Variants in LPIN2 observed in about 807,000 individuals in gnomAD.
LPIN2 encodes lipin 2, also known as phosphatidate phosphatase LPIN2.
LPIN2 carries 55 observed loss-of-function variants against 111.4 expected under a neutral mutation model. The ratio of observed to expected loss-of-function variants is 0.49; its 90% CI spans 0.40 to 0.62. The LOEUF (loss-of-function observed/expected upper bound fraction) is 0.62, where lower values mean the gene tolerates loss of function less well. Ranked by LOEUF, LPIN2 falls within the 20% of genes least tolerant of loss-of-function variation. LPIN2 has a pLI of 0.00. For synonymous variants in LPIN2, 425 were observed against 414.0 expected (o/e 1.03, Z -0.32); for missense variants, 992 against 1,112.1 (o/e 0.89, Z 1.54).
intron 4 of LPIN2, chr18:2,945,783 A>G: frequency 7.8e-7 from 1 of 1,279,188 alleles, no homozygotes; most frequent in Non-Finnish European, 1.1e-6. Context: ...TACTCGACTA[A>G]GTTCTGGAAG....
At chr18:2,920,516 T>C in intron 19 of LPIN2, 79 bp from the exon 20 acceptor site, 1 of 1,517,878 alleles carries the variant, frequency 6.6e-7, no homozygotes, top group South Asian at 1.1e-5. Context: ...GCTGTGAAGC[T>C]GTCACTCAGA....
At chr18:2,945,778 G>T in intron 4 of LPIN2, 1 of 1,261,750 alleles carries the variant, frequency 7.9e-7, no homozygotes, top group Non-Finnish European at 1.2e-6. Flanking sequence ...GCTTCTACTC[G>T]ACTAAGTTCT....
At chr18:2,955,488 G>A (rs1267070454) in intron 2 of LPIN2, among the ~76,000 whole-genome samples, 4 of 152,156 alleles carry the variant, frequency 2.6e-5, no homozygotes, top group African/African-American at 7.2e-5. Context: ...AGCCATCCAT[G>A]AGGGATCTGC....
chr18:2,993,336 T>C (rs618590), intron 1 of LPIN2, among the ~76,000 whole-genome samples: 143,621 of 152,316 alleles, frequency 0.94, 68,014 homozygotes, highest in East Asian at 1. Context: ...AGAATATATT[T>C]GTTCTTGGCT....
At chr18:3,000,547 A>G (rs1598612199) in intron 1 of LPIN2, among the ~76,000 whole-genome samples, 1 of 152,388 alleles carries the variant, frequency 6.6e-6, no homozygotes, top group East Asian at 1.9e-4. Flanking sequence ...AAAGCAGGAT[A>G]CACACCATGC....
At chr18:2,958,154 AAAAC>A (rs1568571121) in intron 2 of LPIN2, among the ~76,000 whole-genome samples, 5 of 108,668 alleles carry the variant, frequency 4.6e-5, no homozygotes, top group African/African-American at 1.6e-4. Context: ...AAAAAAAAAA[AAAAC>A]AACAAAAAAA....
Position 2,920,114 on chromosome 18 carries a change from TGCA to T in LPIN2, c.*176_*178del. The T allele has an allele frequency of 1.3e-6, 1 of 760,836 alleles. No individual in the cohort carries two copies. Among genetic ancestry groups the T allele is most frequent in the Non-Finnish European group, 2.2e-6 (1 of 460,054 alleles). 47.1% of individuals were successfully genotyped at this position (760,836 alleles called of 1,614,324 possible). A position where few individuals can be genotyped will look rare whatever the true frequency, so the allele number is the denominator to read the frequency against. On this transcript the variant is annotated 3_prime_UTR_variant, in exon 20 of 20. Transcript: ENST00000677752. ...TCCCTTCTCCTTCCAGGAGCTGAGCTGCAGACCTGCCGAGCCTGAGCAGCTGGC... is the reference window on the plus strand; with the variant it reads ...TCCCTTCTCCTTCCAGGAGCTGAGCTGACCTGCCGAGCCTGAGCAGCTGGC...
chr18:3,012,351 T>C (rs1051799857), intron 1 of LPIN2, among the ~76,000 whole-genome samples: 3 of 152,264 alleles, frequency 2.0e-5, no homozygotes, highest in Non-Finnish European at 4.4e-5. Flanking sequence ...AAATGTCATC[T>C]TGAATTTTCA....
intron 11 of LPIN2, 134 bp downstream of exon 11, chr18:2,928,457 T>C: frequency 1.1e-6 from 1 of 875,052 alleles, no homozygotes; most frequent in Non-Finnish European, 1.9e-6. Context: ...ATGACTTTGA[T>C]CTTTTATATT....
chr18:2,939,476 G>C lies in LPIN2; in HGVS notation c.822+4C>G, dbSNP rs756368360. 1 of 1,613,656 alleles carries C rather than the reference G, an allele frequency of 6.2e-7. No individual in the cohort carries two copies. Among genetic ancestry groups the C allele is most frequent in the Non-Finnish European group, 8.5e-7 (1 of 1,179,670 alleles). On this transcript the variant is annotated splice_donor_region_variant and intron_variant, in intron 6 of 19. Coordinates refer to ENST00000677752, the MANE Select transcript of LPIN2 (RefSeq NM_001375808.2). ...ACTTTCCACAGGCAAGTAAACCCTA[G>C]TACCTTGGTGGACTCTGGGAATCCG...
intron 1 of LPIN2, among the ~76,000 whole-genome samples, chr18:3,006,426 G>A (rs756174285): frequency 3.9e-5 from 6 of 152,156 alleles, no homozygotes; most frequent in Admixed American, 6.5e-5. Flanking sequence ...TTTGTTGACC[G>A]GGCACAGTGG....
chr18:2,976,839 T>C (rs1303713171), intron 1 of LPIN2, among the ~76,000 whole-genome samples: 2 of 152,184 alleles, frequency 1.3e-5, no homozygotes, highest in Admixed American at 1.3e-4. Flanking sequence ...CAAAGAGTAC[T>C]TAACTAAGCC....
At position 2,917,891 on chromosome 18, in the gene LPIN2, A is replaced by G. The variant is rs1322107072; in HGVS notation, c.*2402T>C. On this transcript the variant is annotated 3_prime_UTR_variant, in exon 20 of 20. Coordinates refer to ENST00000677752, the MANE Select transcript of LPIN2 (RefSeq NM_001375808.2). ...CCATCTCCCTGAGCCGTCACCCGTC[A>G]CTGAAGATAGCGCGAGGGTGATGCT... The G allele has an allele frequency of 6.6e-6, 1 of 152,234 alleles. No homozygotes were observed. Among genetic ancestry groups the G allele is most frequent in the Non-Finnish European group, 1.5e-5 (1 of 68,042 alleles). The allele number at this position is 152,234 out of a possible 1,614,324, so 9.4% of individuals were successfully genotyped here.
At chr18:2,929,016 T>TA (rs775688652) in intron 10 of LPIN2, 49 bp downstream of exon 10, 25 of 1,240,786 alleles carry the variant, frequency 2.0e-5, no homozygotes, top group East Asian at 9.3e-5. Flanking sequence ...ATGGCACTTG[T>TA]AAAAAAACTG....
chr18:2,920,853 A>G lies in LPIN2; in HGVS notation c.2471T>C (p.Val824Ala), dbSNP rs1335376654. 1 of 1,613,906 alleles carries G rather than the reference A, an allele frequency of 6.2e-7. No individual in the cohort carries two copies. The change falls in exon 19 of 20, where the codon GTT becomes GCT. Residue 824 changes from valine to alanine, a missense_variant. Physicochemically the swap from Val to Ala is moderately conservative, Grantham distance 64 (BLOSUM62 0). Transcript: ENST00000677752. ...CACGGTGAATATTCTACAGTCTGGA[A>G]CTCCAACTTGTGTGTAGGCATAGAC... The part of the protein sequence containing the change: ...NDVYAYTQVG[V>A]PDCRIFTVNP...
At chr18:2,958,141 C>CAAAAAAAAAAAAAAACAAAAAAAAA (rs2077642694) in intron 2 of LPIN2, among the ~76,000 whole-genome samples, 1 of 11,954 alleles carries the variant, frequency 8.4e-5, no homozygotes, top group Non-Finnish European at 2.0e-4. Flanking sequence ...GACTCCATCT[C>CAAAAAAAAAAAAAAACAAAAAAAAA]AAAAAAAAAA....
At chr18:2,999,447 A>C (rs2078396265) in intron 1 of LPIN2, among the ~76,000 whole-genome samples, 1 of 151,994 alleles carries the variant, frequency 6.6e-6, no homozygotes, top group Non-Finnish European at 1.5e-5. Context: ...ATACAAAAAA[A>C]AAAAAAAATT....
At chr18:3,001,003 TAA>T (rs149977896) in intron 1 of LPIN2, among the ~76,000 whole-genome samples, 5,982 of 150,226 alleles carry the variant, frequency 0.04, 171 homozygotes, top group East Asian at 0.073. Flanking sequence ...AGAGAGAAAT[TAA>T]AAAGACTTGA....
intron 4 of LPIN2, chr18:2,948,474 T>C (rs2077487855): frequency 6.6e-6 from 1 of 152,258 alleles, no homozygotes; most frequent in Admixed American, 6.5e-5. Context: ...TACAATTTAG[T>C]AGGGAACTTG....
Sources: gnomAD v4.1 joint callset for allele counts (sites outside exome capture counted in the v4.1 genomes callset) on GRCh38, gnomAD v4.1.1 for gene constraint, MANE v1.5 for transcripts, NCBI Gene and HGNC (gene_info 2026-07-23, HGNC 2026-07-21) for gene names.